MCF2L2: variants seen among roughly 807,000 people sequenced by gnomAD.
The protein encoded by MCF2L2 is MCF.2 cell line derived transforming sequence-like 2, also known as probable guanine nucleotide exchange factor MCF2L2.
MCF2L2 carries 102 observed loss-of-function variants against 150.2 expected under a neutral mutation model. The observed-to-expected ratio is 0.68, with a 90% CI of 0.58 to 0.80. The LOEUF (loss-of-function observed/expected upper bound fraction) is 0.80, where lower values mean the gene tolerates loss of function less well. Ranked by LOEUF, MCF2L2 falls within the 30% of genes least tolerant of loss-of-function variation. The pLI is 0.00. For synonymous variants in MCF2L2, 465 were observed against 491.3 expected (o/e 0.95, Z 0.71); for missense variants, 1,256 against 1,372.8 (o/e 0.91, Z 1.34).
At chr3:183,216,557 T>G (rs1722927762) in intron 21 of MCF2L2, among the ~76,000 whole-genome samples, 1 of 3,422 alleles carries the variant, frequency 2.9e-4, no homozygotes, top group South Asian at 9.1e-3. Context: ...ATATATTATA[T>G]ATATATATAT....
intron 6 of MCF2L2, among the ~76,000 whole-genome samples, chr3:183,318,962 T>C (rs1729705389): frequency 6.6e-6 from 1 of 152,260 alleles, no homozygotes; most frequent in Non-Finnish European, 1.5e-5. Flanking sequence ...TGCCGAAGGC[T>C]GGAATGGTGG....
At chr3:183,207,487 T>G in intron 23 of MCF2L2, 121 bp downstream of exon 23, 1 of 722,896 alleles carries the variant, frequency 1.4e-6, no homozygotes, top group Non-Finnish European at 2.3e-6. Flanking sequence ...CCCTGTGGTG[T>G]GGTATTTGGC....
chr3:183,252,368 CCA>C (rs1296092123), intron 15 of MCF2L2, among the ~76,000 whole-genome samples: 1 of 152,132 alleles, frequency 6.6e-6, no homozygotes. Context: ...ACATGCAGTG[CCA>C]CAGTCTGGGA....
chr3:183,305,857 AG>A lies in MCF2L2; in HGVS notation c.1113+3858del, dbSNP rs1002720512. 1.3e-5 allele frequency among the ~76,000 whole-genome samples: 2 copies of A among 152,182 alleles called. No homozygotes were observed. Among genetic ancestry groups the A allele is most frequent in the African/African-American group, 4.8e-5 (2 of 41,442 alleles). ...AGAGTGAAACTCCGTCTCAAAAAAA[AG>A]GGCAACTAAGGAGCAACCCGGATTC... On this transcript the variant is annotated intron_variant, in intron 10 of 29. Coordinates refer to ENST00000328913, the MANE Select transcript of MCF2L2 (RefSeq NM_015078.4). This position sits in a 1 kb window ranked among gnomAD's most constrained non-coding sequence, Gnocchi z 4.1.
rs1218654391 is a variant in MCF2L2, at chr3:183,342,281, A to G, written c.276-651T>C. 3.9e-5 allele frequency among the ~76,000 whole-genome samples: 6 copies of G among 152,330 alleles called. No homozygotes were observed. The East Asian group carries it at 1.2e-3, about 29-fold the overall frequency. On this transcript the variant is annotated intron_variant, in intron 3 of 29. Transcript: ENST00000328913. ...ATTTTTTTTCTCTCCTTTGGGAAGAAGCACGGTACAGAGGAAAGAGCAAGG... is the reference window on the plus strand; with the variant it reads ...ATTTTTTTTCTCTCCTTTGGGAAGAGGCACGGTACAGAGGAAAGAGCAAGG...
In MCF2L2 at chr3:183,179,383, G is replaced by C; in HGVS notation, c.3342C>G (p.Ser1114Arg). ...ALRPRTSAQES is the reference protein window; with the variant it reads ...ALRPRTSAQER ...AGCGGGGGCGTCCGCAGGGAGGTCA[G>C]CTCTCCTGGGCGGAGGTCCTCGGGC... Residue 1114 changes from serine to arginine, a missense_variant, in exon 30 of 30, where the codon AGC (serine) becomes AGG (arginine). Coordinates refer to ENST00000328913, the MANE Select transcript of MCF2L2 (RefSeq NM_015078.4). The surrounding 1 kb of genome is among the most constrained non-coding windows in gnomAD (Gnocchi z 4.2). 1 of 1,513,802 alleles carries C rather than the reference G, an allele frequency of 6.6e-7. No individual in the cohort carries two copies. Among genetic ancestry groups the C allele is most frequent in the Non-Finnish European group, 8.8e-7 (1 of 1,131,140 alleles). 93.8% of individuals were successfully genotyped at this position (1,513,802 alleles called of 1,614,324 possible).
intron 20 of MCF2L2, 68 bp downstream of exon 20, chr3:183,223,278 C>G: frequency 8.5e-7 from 1 of 1,181,124 alleles, no homozygotes; most frequent in South Asian, 1.2e-5. Context: ...ACATGTGTAA[C>G]GACATGGGCA....
intron 4 of MCF2L2, 35 bp from the exon 5 acceptor site, chr3:183,338,954 G>A (rs1392658281): frequency 6.3e-7 from 1 of 1,577,564 alleles, no homozygotes. Context: ...GGAGGAGAGA[G>A]AAAAATGTCA....
intron 15 of MCF2L2, among the ~76,000 whole-genome samples, chr3:183,274,155 C>CAA (rs1271004127): frequency 1.3e-5 from 2 of 151,320 alleles, no homozygotes; most frequent in Non-Finnish European, 2.9e-5. Flanking sequence ...AGGGAGGTTG[C>CAA]AATGACCTGA....
intron 3 of MCF2L2, among the ~76,000 whole-genome samples, chr3:183,371,124 C>T (rs776774323): frequency 6.6e-6 from 1 of 152,200 alleles, no homozygotes; most frequent in Non-Finnish European, 1.5e-5. Context: ...CACTTTTGCT[C>T]GTTAATGTTG....
At chr3:183,402,458 A>C (rs867845203) in intron 1 of MCF2L2, among the ~76,000 whole-genome samples, 20 of 128,948 alleles carry the variant, frequency 1.6e-4, no homozygotes, top group Middle Eastern at 3.8e-3. Context: ...CATCAAAAAA[A>C]AAAAAAAAAA....
Position 183,332,636 on chromosome 3 carries a change from G to A in MCF2L2, c.486+6164C>T, listed in dbSNP as rs973460730. Reference sequence around the variant, plus strand: ...CAAATGCTCAGTTCCAACTCCAAACGTTTTTGAGTGGCAAGAAGAATTGAT... The same window carrying A: ...CAAATGCTCAGTTCCAACTCCAAACATTTTTGAGTGGCAAGAAGAATTGAT... On this transcript the variant is annotated intron_variant, in intron 5 of 29. Coordinates refer to ENST00000328913, the MANE Select transcript of MCF2L2 (RefSeq NM_015078.4). Among the ~76,000 whole-genome samples, 9 of 152,258 alleles carry A rather than the reference G, an allele frequency of 5.9e-5. No homozygotes were observed. In the South Asian group the frequency reaches 8.3e-4, roughly 14 times the overall value.
At chr3:183,342,209 G>A (rs1007059401) in intron 3 of MCF2L2, among the ~76,000 whole-genome samples, 2 of 152,312 alleles carry the variant, frequency 1.3e-5, no homozygotes, top group East Asian at 1.9e-4. Flanking sequence ...AAGTCCTCAC[G>A]AAATTCTCAC....
At chr3:183,361,046 AAG>A (rs1560040247) in intron 3 of MCF2L2, among the ~76,000 whole-genome samples, 31 of 150,992 alleles carry the variant, frequency 2.1e-4, no homozygotes, top group East Asian at 5.8e-4. Flanking sequence ...GAAGAAAGGA[AAG>A]GAAAGGAAAG....
chr3:183,294,713 C>T (rs1378332147), intron 13 of MCF2L2, among the ~76,000 whole-genome samples: 2 of 150,962 alleles, frequency 1.3e-5, no homozygotes, highest in African/African-American at 4.9e-5. Flanking sequence ...ACTGCAAGCT[C>T]TGCCTCCCAG....
chr3:183,201,430 C>T (rs937223561), intron 25 of MCF2L2, among the ~76,000 whole-genome samples: 5 of 152,128 alleles, frequency 3.3e-5, no homozygotes, highest in African/African-American at 1.2e-4. Flanking sequence ...CTCTGTTTGT[C>T]TGTTATTGGT....
chr3:183,312,355 G>C (rs1729417774), intron 7 of MCF2L2, among the ~76,000 whole-genome samples: 1 of 152,190 alleles, frequency 6.6e-6, no homozygotes, highest in African/African-American at 2.4e-5. Context: ...TCTTTTAACA[G>C]AGACTTAGTA....
chr3:183,323,131 G>A, intron 6 of MCF2L2, 104 bp downstream of exon 6: 1 of 729,158 alleles, frequency 1.4e-6, no homozygotes, highest in Non-Finnish European at 2.3e-6. Context: ...CCCAAGGTCA[G>A]GCAGTCACAG....
At chr3:183,356,935 GA>G (rs1157931425) in intron 3 of MCF2L2, among the ~76,000 whole-genome samples, 2 of 152,172 alleles carry the variant, frequency 1.3e-5, no homozygotes, top group Non-Finnish European at 2.9e-5. Flanking sequence ...AGCAATGGGA[GA>G]ATAAGAAATA....
Sources: gnomAD v4.1 joint callset for allele counts (sites outside exome capture counted in the v4.1 genomes callset) on GRCh38, gnomAD v4.1.1 for gene constraint, Gnocchi (gnomAD v3.1) non-coding constraint, MANE v1.5 for transcripts, NCBI Gene and HGNC (gene_info 2026-07-23, HGNC 2026-07-21) for gene names.